The following IL18R1 variants were observed in gnomAD, a reference collection of about 807,000 sequenced individuals.
IL18R1 encodes interleukin 18 receptor 1.
Under a neutral mutation model 48.5 loss-of-function variants are expected in IL18R1, and 40 were observed. The observed-to-expected ratio is 0.82, with a 90% CI of 0.64 to 1.07. The LOEUF (loss-of-function observed/expected upper bound fraction) is 1.07. Among genes scored for constraint, IL18R1 ranks in the 50% least tolerant of loss-of-function variants. IL18R1 has a pLI of 0.00. For synonymous variants in IL18R1, 232 were observed against 225.9 expected, an observed-to-expected ratio of 1.03 and a Z score of -0.24; for missense variants, 596 against 633.7, an observed-to-expected ratio of 0.94 and a Z score of 0.64.
intron 1 of IL18R1, among the ~76,000 whole-genome samples, chr2:102,361,219 GT>G (rs1018992159): frequency 2.6e-5 from 4 of 152,192 alleles, no homozygotes; most frequent in Admixed American, 2.6e-4. Flanking sequence ...AATAGGCAGA[GT>G]TAATAATAAA....
At chr2:102,359,987 TC>T (rs961780234) in intron 1 of IL18R1, among the ~76,000 whole-genome samples, 2 of 152,188 alleles carry the variant, frequency 1.3e-5, no homozygotes, top group Non-Finnish European at 2.9e-5. Flanking sequence ...AACAGGCAAG[TC>T]AGTTGCCCAC....
chr2:102,387,567 A>G (rs1482112274), intron 8 of IL18R1, among the ~76,000 whole-genome samples: 1 of 152,208 alleles, frequency 6.6e-6, no homozygotes, highest in African/African-American at 2.4e-5. Context: ...CCTCCACCAA[A>G]GTAGCACAGC....
At chr2:102,373,956 G>T in intron 4 of IL18R1, 1 of 446,542 alleles carries the variant, frequency 2.2e-6, no homozygotes, top group Non-Finnish European at 4.5e-6. Context: ...CCTATTTGCA[G>T]GAAAACAAGC....
chr2:102,371,907 A>G, intron 3 of IL18R1, 46 bp from the exon 4 acceptor site: 1 of 1,140,378 alleles, frequency 8.8e-7, no homozygotes, highest in Non-Finnish European at 1.2e-6. Context: ...GATATTTGCA[A>G]AGTTTCTGTA....
chr2:102,357,176 C>T (rs1218190210), intron 1 of IL18R1, among the ~76,000 whole-genome samples: 2 of 152,134 alleles, frequency 1.3e-5, no homozygotes, highest in Non-Finnish European at 2.9e-5. Context: ...CACAAATATA[C>T]ATCCAAAGGC....
At chr2:102,372,550 TA>T (rs1353558543) in intron 4 of IL18R1, among the ~76,000 whole-genome samples, 1 of 152,202 alleles carries the variant, frequency 6.6e-6, no homozygotes, top group Non-Finnish European at 1.5e-5. Context: ...ATTTTAACTT[TA>T]AAACTGAAAA....
At chr2:102,389,614 T>C (rs1168219459) in intron 8 of IL18R1, among the ~76,000 whole-genome samples, 2 of 152,198 alleles carry the variant, frequency 1.3e-5, no homozygotes, top group African/African-American at 2.4e-5. Flanking sequence ...TCACGATTTT[T>C]CCTACAATAC....
chr2:102,366,901 A>G (rs1678933145), intron 2 of IL18R1, among the ~76,000 whole-genome samples: 1 of 152,196 alleles, frequency 6.6e-6, no homozygotes, highest in Admixed American at 6.5e-5. Context: ...GTGGTTAACA[A>G]TTTTGAGTTA....
Position 102,386,884 on chromosome 2 carries a change from C to A in IL18R1, c.833C>A (p.Ala278Asp), listed in dbSNP as rs768158684. Residue 278 changes from alanine to aspartate, a missense_variant, in exon 8 of 11, where the codon GCT (alanine) becomes GAT (aspartate). Ala to Asp is a moderately radical substitution (Grantham distance 126, BLOSUM62 -2). This residue lies in a region of IL18R1 where 360 missense variants were observed against 339.4 expected (regional missense o/e 1.06). Coordinates refer to ENST00000233957, the MANE Select transcript of IL18R1 (RefSeq NM_003855.5). Reference sequence around the variant, plus strand: ...AGGACTCCAGAAGGCAAATGGCATGCTTCAAAAGTATTGAGAATTGAAAAT... The same window carrying A: ...AGGACTCCAGAAGGCAAATGGCATGATTCAAAAGTATTGAGAATTGAAAAT... ...RIMTPEGKWH[A>D]SKVLRIENIG... is the part of the protein sequence containing the mutation. The A allele has an allele frequency of 2.5e-6, 4 of 1,614,126 alleles. No homozygotes were observed. The highest frequency in any genetic ancestry group is 3.4e-6 in the Non-Finnish European group (4 of 1,179,996).
chr2:102,391,230 T>C (rs1338082862), intron 9 of IL18R1, among the ~76,000 whole-genome samples: 1 of 141,384 alleles, frequency 7.1e-6, no homozygotes, highest in Non-Finnish European at 1.6e-5. Context: ...TATACTTCAG[T>C]AGCCCCCCTT....
At chr2:102,373,770 C>T (rs1444479725) in intron 4 of IL18R1, among the ~76,000 whole-genome samples, 2 of 151,986 alleles carry the variant, frequency 1.3e-5, no homozygotes, top group African/African-American at 4.8e-5. Flanking sequence ...ATCCCCATGC[C>T]ACTCCCCCTC....
chr2:102,396,705 T>G lies in IL18R1; in HGVS notation c.1445T>G (p.Phe482Cys). Reference protein sequence around the residue: ...ILIEFTPVTDFTFLPQSLKLL... With the variant: ...ILIEFTPVTDCTFLPQSLKLL... ...ATTGAATTTACACCTGTTACTGACT[T>G]CACATTCTTGCCCCAATCACTAAAG... The change falls in exon 11 of 11, where the codon TTC (phenylalanine) becomes TGC (cysteine). Residue 482 changes from phenylalanine to cysteine, a missense_variant. Transcript: ENST00000233957. 1 of 1,614,094 alleles carries G rather than the reference T, an allele frequency of 6.2e-7. No individual in the cohort carries two copies. The highest frequency in any genetic ancestry group is 8.5e-7 in the Non-Finnish European group (1 of 1,179,948).
At chr2:102,372,906 T>C (rs1191547832) in intron 4 of IL18R1, among the ~76,000 whole-genome samples, 2 of 152,202 alleles carry the variant, frequency 1.3e-5, no homozygotes, top group African/African-American at 4.8e-5. Context: ...TCCCTAAATG[T>C]AGAATTACTG....
chr2:102,394,533 G>A lies in IL18R1; in HGVS notation c.1176G>A (p.Glu392=), dbSNP rs1326267133. The stretch of plus-strand genomic sequence containing the variant: ...AATGCCGACCTGAAAATGGAGAGGA[G>A]CACACCTTTGCTGTGGAGATTTTGC... The part of the protein sequence containing the change: ...LKECRPENGE[E]HTFAVEILPR... The change falls in exon 10 of 11, where the codon GAG becomes GAA. Residue 392 remains glutamate (E), a synonymous_variant. Coordinates refer to ENST00000233957, the MANE Select transcript of IL18R1 (RefSeq NM_003855.5). 1 of 1,613,152 alleles carries A rather than the reference G, an allele frequency of 6.2e-7. No homozygotes were observed. The highest frequency in any genetic ancestry group is 8.5e-7 in the Non-Finnish European group (1 of 1,179,282).
In IL18R1 at chr2:102,396,515, T is replaced by A; in HGVS notation, c.1271-16T>A. 6.9e-7 allele frequency: 1 copy of A among 1,451,762 alleles called. No homozygotes were observed. The highest frequency in any genetic ancestry group is 9.5e-7 in the Non-Finnish European group (1 of 1,050,750). 89.9% of individuals were successfully genotyped at this position (1,451,762 alleles called of 1,614,324 possible). The stretch of plus-strand genomic sequence containing the variant: ...TCAGTTATCTTAAATTAATAGGGGT[T>A]ATCTTGCATTTTCAGCTGTTGTTGA... On this transcript the variant is annotated splice_polypyrimidine_tract_variant and intron_variant, in intron 10 of 10. Coordinates refer to ENST00000233957, the MANE Select transcript of IL18R1 (RefSeq NM_003855.5).
chr2:102,382,924 A>G (rs1308356322), intron 6 of IL18R1, among the ~76,000 whole-genome samples: 1 of 152,160 alleles, frequency 6.6e-6, no homozygotes, highest in Admixed American at 6.5e-5. Flanking sequence ...AATTTTAATT[A>G]TCCTCTGGTA....
intron 9 of IL18R1, among the ~76,000 whole-genome samples, chr2:102,391,037 G>C (rs1046825795): frequency 5.3e-5 from 8 of 151,148 alleles, no homozygotes; most frequent in African/African-American, 1.9e-4. Context: ...CTACTATGTC[G>C]ACCCGCTGGC....
Position 102,356,227 on chromosome 2 carries a change from C to A in IL18R1, c.-202C>A. On this transcript the variant is annotated 5_prime_UTR_variant, in exon 1 of 11. Coordinates refer to ENST00000233957, the MANE Select transcript of IL18R1 (RefSeq NM_003855.5). ...TTCTTCTTTTTTTTTTTTTTTGTAGCCCTCTCTGGGTGCCTTATCTCTTTA... is the reference window on the plus strand; with the variant it reads ...TTCTTCTTTTTTTTTTTTTTTGTAGACCTCTCTGGGTGCCTTATCTCTTTA... The A allele has an allele frequency of 3.6e-6, 1 of 274,064 alleles. No individual in the cohort carries two copies. 17.0% of individuals were successfully genotyped at this position (274,064 alleles called of 1,614,324 possible).
At chr2:102,388,677 C>T (rs1402327390) in intron 8 of IL18R1, among the ~76,000 whole-genome samples, 2 of 152,292 alleles carry the variant, frequency 1.3e-5, no homozygotes, top group East Asian at 1.9e-4. Context: ...AATTGGGGCT[C>T]ACAACCCACC....
Sources: allele counts gnomAD v4.1 joint callset (sites outside exome capture counted in the v4.1 genomes callset), GRCh38; gene constraint gnomAD v4.1.1; regional missense constraint gnomAD v4.1.1; transcripts MANE v1.5; gene names NCBI Gene and HGNC (gene_info 2026-07-23, HGNC 2026-07-21).